Variants in SRGAP3 observed in about 807,000 individuals in gnomAD.
The protein encoded by SRGAP3 is SLIT-ROBO Rho GTPase activating protein 3, also known as SLIT-ROBO Rho GTPase-activating protein 3.
Under a neutral mutation model 121.1 loss-of-function variants are expected in SRGAP3, and 39 were observed. That is an observed-to-expected ratio of 0.32 (90% CI 0.25 to 0.42). The LOEUF is 0.42. Among genes scored for constraint, SRGAP3 ranks in the 10% least tolerant of loss-of-function variants. The pLI is 1.00. For missense variants in SRGAP3, 1,213 were observed against 1,470.6 expected (o/e 0.82, Z 2.86); for synonymous variants, 601 against 570.0 (o/e 1.05, Z -0.77).
At chr3:9,193,189 C>T (rs1284424028) in intron 1 of SRGAP3, 1 of 152,204 alleles carries the variant, frequency 6.6e-6, no homozygotes, top group Non-Finnish European at 1.5e-5. Flanking sequence ...AGTGAGAAAT[C>T]CTGAGTGGGG....
intron 1 of SRGAP3, chr3:9,362,758 C>G (rs895648334): frequency 1.3e-5 from 2 of 152,202 alleles, no homozygotes; most frequent in Non-Finnish European, 2.9e-5. Context: ...AGCTTTAAAA[C>G]AGAAATCAGT....
At chr3:9,329,311 C>T (rs988298991) in intron 2 of SRGAP3, among the ~76,000 whole-genome samples, 2 of 152,190 alleles carry the variant, frequency 1.3e-5, no homozygotes, top group Non-Finnish European at 2.9e-5. Context: ...GCATGCCAGG[C>T]TTCTGGGTTT....
intron 5 of SRGAP3, 124 bp downstream of exon 5, chr3:9,064,271 CT>C (rs947680194): frequency 2.3e-6 from 3 of 1,326,088 alleles, no homozygotes; most frequent in African/African-American, 2.9e-5. Context: ...CCCATCCCCC[CT>C]ACCCACCACC....
At chr3:9,360,393 C>G (rs1161094403) in intron 1 of SRGAP3, among the ~76,000 whole-genome samples, 2 of 152,168 alleles carry the variant, frequency 1.3e-5, no homozygotes, top group Non-Finnish European at 2.9e-5. Flanking sequence ...ATTGTAAAGT[C>G]AAAAAATTGT....
chr3:8,997,788 T>C (rs890987520), intron 18 of SRGAP3, among the ~76,000 whole-genome samples: 3 of 152,210 alleles, frequency 2.0e-5, no homozygotes, highest in African/African-American at 4.8e-5. Context: ...TCCACCCTTC[T>C]ATCCGTCTTA....
At chr3:9,000,245 C>A (rs12486234) in intron 18 of SRGAP3, among the ~76,000 whole-genome samples, 27,812 of 152,244 alleles carry the variant, frequency 0.18, 3,040 homozygotes, top group Non-Finnish European at 0.24. Context: ...TTTCACACAA[C>A]CCCTACTCAT....
chr3:9,340,776 T>A (rs1038495346), intron 1 of SRGAP3, among the ~76,000 whole-genome samples: 3 of 152,162 alleles, frequency 2.0e-5, no homozygotes, highest in African/African-American at 7.2e-5. Context: ...ACAATTGAGA[T>A]ATACAACCCT....
chr3:9,219,294 T>G (rs954795), intron 1 of SRGAP3: 112,758 of 151,938 alleles, frequency 0.74, 42,144 homozygotes, highest in South Asian at 0.82. Context: ...TCTGAGGTGG[T>G]CAGCCCCTTA....
chr3:8,987,752 G>A (rs1289833111), intron 21 of SRGAP3, among the ~76,000 whole-genome samples: 2 of 135,788 alleles, frequency 1.5e-5, no homozygotes, highest in Admixed American at 1.4e-4. Context: ...AGGGTGTTTT[G>A]TGCCTTATCC....
intron 1 of SRGAP3, among the ~76,000 whole-genome samples, chr3:9,139,263 T>C (rs1297987190): frequency 6.6e-6 from 1 of 152,102 alleles, no homozygotes; most frequent in African/African-American, 2.4e-5. Flanking sequence ...AGACATCCAG[T>C]TCCTAATCCC....
chr3:9,147,924 C>T (rs115247348), intron 1 of SRGAP3, among the ~76,000 whole-genome samples: 1,633 of 152,312 alleles, frequency 0.011, 26 homozygotes, highest in African/African-American at 0.036. Flanking sequence ...CTCTCCCTCC[C>T]ATCTTTCAGA....
chr3:9,202,215 A>C (rs938707599), intron 1 of SRGAP3, among the ~76,000 whole-genome samples: 1 of 152,068 alleles, frequency 6.6e-6, no homozygotes, highest in Non-Finnish European at 1.5e-5. Context: ...CTATGGCGGG[A>C]GCAGCAGCCA....
chr3:9,073,124 C>T (rs890984473), intron 4 of SRGAP3, among the ~76,000 whole-genome samples: 4 of 152,114 alleles, frequency 2.6e-5, no homozygotes, highest in Non-Finnish European at 4.4e-5. Flanking sequence ...AATGCAGGTT[C>T]GTAGTTTATT....
chr3:9,311,689 T>C (rs1397675357), intron 3 of SRGAP3, among the ~76,000 whole-genome samples: 2 of 152,222 alleles, frequency 1.3e-5, no homozygotes, highest in African/African-American at 2.4e-5. Flanking sequence ...AAGCCCTTCT[T>C]AGAACTTACA....
chr3:9,272,110 C>G (rs1457557905), intron 3 of SRGAP3, among the ~76,000 whole-genome samples: 4 of 152,238 alleles, frequency 2.6e-5, no homozygotes, highest in African/African-American at 7.2e-5. Flanking sequence ...TACTGGGCAG[C>G]TAGGACCTTA....
At chr3:9,289,330 T>C (rs1574975251) in intron 3 of SRGAP3, among the ~76,000 whole-genome samples, 2 of 152,248 alleles carry the variant, frequency 1.3e-5, no homozygotes, top group African/African-American at 4.8e-5. Context: ...TTCTGCTATC[T>C]GTTGTTTCTG....
chr3:9,185,075 T>C (rs1951553348), intron 1 of SRGAP3, among the ~76,000 whole-genome samples: 1 of 152,142 alleles, frequency 6.6e-6, no homozygotes, highest in Non-Finnish European at 1.5e-5. Flanking sequence ...CTATAAAAAA[T>C]TAGGGTCTTC....
rs558099648 is a variant in SRGAP3, at chr3:9,248,356, C to T, written c.67+529G>A. On this transcript the variant is annotated intron_variant, in intron 1 of 21. Transcript: ENST00000383836. ...ATGGCAACCCAGGCCAGCCCAGAGA[C>T]ACCGACAAAGAAGTGCCGCCCAGGG... 7.9e-5 allele frequency among the ~76,000 whole-genome samples: 12 copies of T among 152,336 alleles called. 1 individual carries two copies. In the East Asian group the frequency reaches 2.3e-3, roughly 29 times the overall value.
At chr3:9,023,913 T>A (rs933416007) in intron 14 of SRGAP3, among the ~76,000 whole-genome samples, 3 of 152,152 alleles carry the variant, frequency 2.0e-5, no homozygotes, top group Admixed American at 6.5e-5. Flanking sequence ...CCAGAGCACC[T>A]ACATCCACAG....
Sources: gnomAD v4.1 joint callset for allele counts (sites outside exome capture counted in the v4.1 genomes callset) on GRCh38, gnomAD v4.1.1 for gene constraint, MANE v1.5 for transcripts, NCBI Gene and HGNC (gene_info 2026-07-23, HGNC 2026-07-21) for gene names.